Variants in ZFHX3 observed in about 807,000 individuals in gnomAD.
ZFHX3 encodes zinc finger homeobox 3.
A neutral mutation model predicts 279.1 loss-of-function variants in ZFHX3; 42 were observed. The observed-to-expected ratio is 0.15, with a 90% CI of 0.12 to 0.19. The LOEUF (loss-of-function observed/expected upper bound fraction) is 0.19. ZFHX3 is among the 10% of genes least tolerant of loss of function. The pLI is 1.00. For synonymous variants in ZFHX3, 2,293 were observed against 1,957.8 expected (o/e 1.17, Z -4.52); for missense variants, 4,981 against 4,754.0 (o/e 1.05, Z -1.40).
At chr16:73,023,956 G>A (rs1964405487) in intron 1 of ZFHX3, among the ~76,000 whole-genome samples, 1 of 152,176 alleles carries the variant, frequency 6.6e-6, no homozygotes, top group Admixed American at 6.5e-5. Flanking sequence ...GGGTAGAAGG[G>A]CTTCTTTTGA....
At chr16:73,110,172 C>T (rs1567391144) in intron 7 of ZFHX3, among the ~76,000 whole-genome samples, 2 of 151,734 alleles carry the variant, frequency 1.3e-5, no homozygotes, top group Non-Finnish European at 2.9e-5. Context: ...CCACTGCACT[C>T]CAGCCTGGGT....
At chr16:72,805,653 T>C (rs1324190201) in intron 7 of ZFHX3, among the ~76,000 whole-genome samples, 1 of 152,220 alleles carries the variant, frequency 6.6e-6, no homozygotes, top group Non-Finnish European at 1.5e-5. Flanking sequence ...TAAAGCCAGC[T>C]GTTCCAGCGA....
chr16:73,199,420 A>C (rs1030174067), intron 5 of ZFHX3, among the ~76,000 whole-genome samples: 7 of 152,218 alleles, frequency 4.6e-5, no homozygotes, highest in African/African-American at 1.7e-4. Context: ...TCTATGCCCA[A>C]AGCCTCTTGT....
At chr16:73,224,527 T>C (rs926595863) in intron 5 of ZFHX3, among the ~76,000 whole-genome samples, 17 of 152,200 alleles carry the variant, frequency 1.1e-4, no homozygotes, top group African/African-American at 4.1e-4. Flanking sequence ...GAACACAAGC[T>C]AACATGTCTC....
intron 1 of ZFHX3, among the ~76,000 whole-genome samples, chr16:73,725,253 C>T (rs1402047382): frequency 6.6e-6 from 1 of 151,990 alleles, no homozygotes; most frequent in East Asian, 1.9e-4. Context: ...GAAAACTAGC[C>T]CTGCATTTCT....
intron 3 of ZFHX3, among the ~76,000 whole-genome samples, chr16:72,894,407 C>T (rs2038846142): frequency 6.6e-6 from 1 of 152,182 alleles, no homozygotes; most frequent in Non-Finnish European, 1.5e-5. Flanking sequence ...ATTTCCTAGG[C>T]CCTGAGCGGC....
intron 2 of ZFHX3, among the ~76,000 whole-genome samples, chr16:73,637,357 G>A (rs905040646): frequency 6.6e-6 from 1 of 150,854 alleles, no homozygotes; most frequent in Non-Finnish European, 1.5e-5. Context: ...TCAGCCTCCT[G>A]AGTAGTTGGG....
chr16:73,232,620 G>C (rs976449947), intron 5 of ZFHX3: 1 of 152,198 alleles, frequency 6.6e-6, no homozygotes, highest in Admixed American at 6.5e-5. Context: ...GTTACGTGCA[G>C]GACGCAATGG....
At chr16:73,037,888 C>T (rs1261155877) in intron 1 of ZFHX3, among the ~76,000 whole-genome samples, 1 of 152,132 alleles carries the variant, frequency 6.6e-6, no homozygotes, top group Non-Finnish European at 1.5e-5. Context: ...AAAGTGAGAC[C>T]AACACACAGC....
intron 1 of ZFHX3, among the ~76,000 whole-genome samples, chr16:73,728,771 G>A (rs534152745): frequency 2.0e-5 from 3 of 150,976 alleles, no homozygotes; most frequent in East Asian, 2.0e-4. Flanking sequence ...CACTGCCCTC[G>A]TAGCACATAA....
intron 7 of ZFHX3, among the ~76,000 whole-genome samples, chr16:73,117,766 A>C (rs1255423071): frequency 2.6e-5 from 4 of 152,198 alleles, no homozygotes; most frequent in African/African-American, 4.8e-5. Flanking sequence ...TTAGGTCATG[A>C]GGGTGGAACC....
intron 2 of ZFHX3, among the ~76,000 whole-genome samples, chr16:73,562,317 C>T (rs1377885394): frequency 1.3e-5 from 2 of 152,054 alleles, no homozygotes; most frequent in South Asian, 4.2e-4. Context: ...TATGAGAGGC[C>T]GGGCGCGGTG....
chr16:73,853,940 T>C (rs1428194986), intron 1 of ZFHX3, among the ~76,000 whole-genome samples: 1 of 152,250 alleles, frequency 6.6e-6, no homozygotes, highest in Non-Finnish European at 1.5e-5. Context: ...TGGTCATTCA[T>C]CTCGATTCTC....
intron 3 of ZFHX3, among the ~76,000 whole-genome samples, chr16:73,337,911 C>A (rs1244817694): frequency 8.5e-6 from 1 of 117,466 alleles, no homozygotes; most frequent in African/African-American, 2.8e-5. Context: ...GGGTCCTCAT[C>A]CCCTTTTTAT....
chr16:73,676,407 C>CT (rs11393408), intron 2 of ZFHX3, among the ~76,000 whole-genome samples: 138,909 of 151,722 alleles, frequency 0.92, 63,676 homozygotes, highest in East Asian at 0.98. Flanking sequence ...GACATAATGA[C>CT]TTTTTTCCCC....
intron 2 of ZFHX3, among the ~76,000 whole-genome samples, chr16:73,473,365 A>AAAAAAAAAAAAAAAAAAAAAAAC (rs2018708335): frequency 2.3e-5 from 3 of 130,146 alleles, no homozygotes; most frequent in African/African-American, 9.2e-5. Context: ...AAACAAAAAA[A>AAAAAAAAAAAAAAAAAAAAAAAC]AAAAAAACAA....
intron 1 of ZFHX3, among the ~76,000 whole-genome samples, chr16:72,989,407 A>C (rs914172151): frequency 6.6e-6 from 1 of 151,662 alleles, no homozygotes; most frequent in Non-Finnish European, 1.5e-5. Context: ...GCTTGAACCC[A>C]GGAGGTGGAA....
intron 4 of ZFHX3, among the ~76,000 whole-genome samples, chr16:73,285,293 G>A (rs1053998104): frequency 5.9e-5 from 9 of 152,182 alleles, no homozygotes; most frequent in African/African-American, 2.2e-4. Flanking sequence ...ATAACAACTC[G>A]AAGAGATTAA....
intron 1 of ZFHX3, among the ~76,000 whole-genome samples, chr16:73,749,030 C>T (rs113601908): frequency 4.6e-5 from 7 of 152,104 alleles, no homozygotes; most frequent in African/African-American, 1.4e-4. Flanking sequence ...TCAGGAGATC[C>T]GCCCACCTCA....
Sources: allele counts gnomAD v4.1 joint callset (sites outside exome capture counted in the v4.1 genomes callset), GRCh38; gene constraint gnomAD v4.1.1; transcripts MANE v1.5; gene names NCBI Gene and HGNC (gene_info 2026-07-23, HGNC 2026-07-21).